ARL15: variants seen among roughly 807,000 people sequenced by gnomAD.
ARL15 encodes the protein ARF like GTPase 15.
In ARL15, 19 loss-of-function variants were observed where a neutral mutation model predicts 25.2. The ratio of observed to expected loss-of-function variants is 0.75; its 90% CI spans 0.53 to 1.10. The LOEUF (loss-of-function observed/expected upper bound fraction) is 1.10, where lower values mean the gene tolerates loss of function less well. Ranked by LOEUF, ARL15 falls within the 50% of genes least tolerant of loss-of-function variation. The pLI is 0.00. For synonymous variants in ARL15, 94 were observed against 86.8 expected (o/e 1.08, Z -0.46); for missense variants, 220 against 246.0 (o/e 0.89, Z 0.71).
chr5:54,055,803 T>G (rs1750850857), intron 4 of ARL15, among the ~76,000 whole-genome samples: 1 of 152,204 alleles, frequency 6.6e-6, no homozygotes, highest in African/African-American at 2.4e-5. Context: ...ATTACTTCCC[T>G]AACTCCCATG....
chr5:54,066,070 CT>C (rs1751222410), intron 4 of ARL15, among the ~76,000 whole-genome samples: 1 of 152,146 alleles, frequency 6.6e-6, no homozygotes, highest in Non-Finnish European at 1.5e-5. Context: ...CACAATACCT[CT>C]GTATTTTCTC....
Position 53,938,475 on chromosome 5 carries a change from A to T in ARL15, c.463-51762T>A, listed in dbSNP as rs552675653. Among the ~76,000 whole-genome samples, 28 of 152,354 alleles carry T rather than the reference A, an allele frequency of 1.8e-4. 1 individual carries two copies. The South Asian group carries it at 4.4e-3, about 24-fold the overall frequency. ...ACCAATAACCTTTTCAGTATTTTGC[A>T]TACATCAATCTTTTGTCCAAGATCT... On this transcript the variant is annotated intron_variant, in intron 4 of 4. Transcript: ENST00000504924.
intron 4 of ARL15, among the ~76,000 whole-genome samples, chr5:54,090,924 T>C (rs897192809): frequency 5.3e-5 from 8 of 150,074 alleles, no homozygotes; most frequent in African/African-American, 1.5e-4. Context: ...TGATGAGTCA[T>C]TTGTCACAAT....
In ARL15 at chr5:53,944,033, G is replaced by T. The variant is rs564505420; in HGVS notation, c.463-57320C>A. Among the ~76,000 whole-genome samples the T allele has an allele frequency of 3.5e-4, 54 of 152,258 alleles. No homozygotes were observed. The South Asian group carries it at 6.6e-3, about 19-fold the overall frequency. On this transcript the variant is annotated intron_variant, in intron 4 of 4. Coordinates refer to ENST00000504924, the MANE Select transcript of ARL15 (RefSeq NM_019087.3). ...CTGGACCCCATGTTACATGGGCATG[G>T]GAGATAAAAATCACAGCAAGTGAAG...
intron 4 of ARL15, among the ~76,000 whole-genome samples, chr5:53,906,785 A>C (rs1029925193): frequency 6.6e-6 from 1 of 152,188 alleles, no homozygotes; most frequent in Admixed American, 6.5e-5. Context: ...TTTGTGCTGC[A>C]TCATAGATGT....
At chr5:54,310,308 G>A (rs140947329) in intron 1 of ARL15, 124 bp downstream of exon 1, 5 of 1,124,296 alleles carry the variant, frequency 4.4e-6, no homozygotes, top group African/African-American at 1.6e-5. Flanking sequence ...CCGGCTGCGG[G>A]AGAAAGAACC....
At chr5:54,252,950 C>G (rs931073253) in intron 1 of ARL15, among the ~76,000 whole-genome samples, 1 of 152,022 alleles carries the variant, frequency 6.6e-6, no homozygotes, top group Non-Finnish European at 1.5e-5. Context: ...GTCACAAACT[C>G]CTGAGCTCAG....
intron 4 of ARL15, among the ~76,000 whole-genome samples, chr5:54,047,045 G>T (rs1445418811): frequency 6.6e-6 from 1 of 152,170 alleles, no homozygotes; most frequent in Admixed American, 6.5e-5. Context: ...GATCAGGAGG[G>T]TCAGTGAGTT....
rs993724469 is a variant in ARL15 at position 53,918,991 on chromosome 5, G to A, written c.463-32278C>T. Among the ~76,000 whole-genome samples the A allele has an allele frequency of 4.6e-5, 7 of 152,004 alleles. No individual in the cohort carries two copies. In the South Asian group the frequency reaches 1.5e-3, roughly 32 times the overall value. On this transcript the variant is annotated intron_variant, in intron 4 of 4. Transcript: ENST00000504924. ...GCTTTTTATTTCCTCCACTGGTTTT[G>A]TCTTTCATTGGGAAGGAAAATTTCA...
intron 2 of ARL15, among the ~76,000 whole-genome samples, chr5:54,160,490 C>CAA (rs796215163): frequency 6.8e-6 from 1 of 147,140 alleles, no homozygotes; most frequent in Non-Finnish European, 1.5e-5. Flanking sequence ...TCCTCTGCTT[C>CAA]AAAAAAAAAA....
At chr5:54,233,730 A>G (rs1756731039) in intron 1 of ARL15, among the ~76,000 whole-genome samples, 1 of 152,254 alleles carries the variant, frequency 6.6e-6, no homozygotes, top group African/African-American at 2.4e-5. Flanking sequence ...AGAATCACAG[A>G]AGACTACTCA....
intron 4 of ARL15, among the ~76,000 whole-genome samples, chr5:53,968,092 A>G (rs974011667): frequency 6.6e-6 from 1 of 152,144 alleles, no homozygotes; most frequent in African/African-American, 2.4e-5. Flanking sequence ...GTGAGTGGCA[A>G]CTTGGGGGCA....
chr5:53,914,487 T>C (rs1745568910), intron 4 of ARL15, among the ~76,000 whole-genome samples: 1 of 152,196 alleles, frequency 6.6e-6, no homozygotes. Flanking sequence ...TTGTTTTCCT[T>C]GCTCTCCCTT....
At chr5:54,295,023 A>C (rs1302031017) in intron 1 of ARL15, among the ~76,000 whole-genome samples, 4 of 152,254 alleles carry the variant, frequency 2.6e-5, no homozygotes, top group African/African-American at 4.8e-5. Context: ...TATTCAAGAC[A>C]ACCTTTGTAG....
intron 1 of ARL15, among the ~76,000 whole-genome samples, chr5:54,215,028 C>G (rs1474754222): frequency 1.3e-5 from 2 of 151,836 alleles, no homozygotes; most frequent in African/African-American, 4.8e-5. Context: ...TTTTTCTTTC[C>G]AACAAGGGCA....
Position 54,172,009 on chromosome 5 carries a change from A to G in ARL15, c.49-81T>C, listed in dbSNP as rs1579871291. The G allele has an allele frequency of 7.3e-6, 11 of 1,506,510 alleles. 1 individual carries two copies. The East Asian group carries it at 2.5e-4, about 35-fold the overall frequency. The allele number at this position is 1,506,510 out of a possible 1,614,324, so 93.3% of individuals were successfully genotyped here. A position where few individuals can be genotyped will look rare whatever the true frequency, so the allele number is the denominator to read the frequency against. On this transcript the variant is annotated intron_variant, in intron 1 of 4. Transcript: ENST00000504924. Reference sequence around the variant, plus strand: ...ATAGTCACATTTAAAATGACTGAGTAAGTATTAAGAGGTAATTGAATAAAG... The same window carrying G: ...ATAGTCACATTTAAAATGACTGAGTGAGTATTAAGAGGTAATTGAATAAAG...
At chr5:53,902,779 C>T (rs1241700050) in intron 4 of ARL15, among the ~76,000 whole-genome samples, 3 of 152,260 alleles carry the variant, frequency 2.0e-5, no homozygotes, top group Admixed American at 6.5e-5. Context: ...TGCCTGTCAG[C>T]AGTTTGTCCT....
chr5:54,186,991 C>T (rs1304697130), intron 1 of ARL15, among the ~76,000 whole-genome samples: 1 of 151,174 alleles, frequency 6.6e-6, no homozygotes, highest in African/African-American at 2.4e-5. Context: ...TCCTCATTTT[C>T]CTTTTGTACA....
At chr5:54,135,015 G>T (rs1183500401) in intron 3 of ARL15, among the ~76,000 whole-genome samples, 1 of 152,124 alleles carries the variant, frequency 6.6e-6, no homozygotes. Context: ...AATATTTACA[G>T]ATGTCTCAAA....
Sources: allele counts gnomAD v4.1 joint callset (sites outside exome capture counted in the v4.1 genomes callset), GRCh38; gene constraint gnomAD v4.1.1; transcripts MANE v1.5; gene names NCBI Gene and HGNC (gene_info 2026-07-23, HGNC 2026-07-21).